CFAP299: variants seen among roughly 807,000 people sequenced by gnomAD.
CFAP299 encodes cilia- and flagella-associated protein 299.
A neutral mutation model predicts 27.0 loss-of-function variants in CFAP299; 21 were observed. The observed-to-expected ratio is 0.78, with a 90% CI of 0.55 to 1.12. The LOEUF is 1.12. Among genes scored for constraint, CFAP299 ranks in the 50% most tolerant of loss-of-function variants. The pLI is 0.00. For missense variants in CFAP299, 310 were observed against 276.6 expected, an observed-to-expected ratio of 1.12 and a Z score of -0.86; for synonymous variants, 104 against 98.1, an observed-to-expected ratio of 1.06 and a Z score of -0.36.
intron 3 of CFAP299, among the ~76,000 whole-genome samples, chr4:80,610,489 A>G (rs1392936426): frequency 6.6e-6 from 1 of 152,068 alleles, no homozygotes; most frequent in Non-Finnish European, 1.5e-5. Context: ...TCACTGTCAC[A>G]TTCTTTCTCA....
chr4:80,386,506 C>A (rs1725004799), intron 2 of CFAP299: 3 of 1,429,708 alleles, frequency 2.1e-6, no homozygotes, highest in Non-Finnish European at 2.8e-6. Context: ...TTCTCGCGGG[C>A]GGTGGTGGGG....
In CFAP299 at chr4:80,754,482, A is replaced by G. The variant is rs894040039; in HGVS notation, c.334-115511A>G. ...TGTCAATGAGTATTGAAGAAGAGCC[A>G]TCTCAGTGTTTTGTACTTCCATTCT... is the stretch of plus-strand genomic sequence containing the variant. On this transcript the variant is annotated intron_variant, in intron 3 of 5. Coordinates refer to ENST00000358105, the MANE Select transcript of CFAP299 (RefSeq NM_152770.3). Among the ~76,000 whole-genome samples the G allele has an allele frequency of 8.6e-5, 13 of 152,026 alleles. No homozygotes were observed. The East Asian group carries it at 2.5e-3, about 29-fold the overall frequency.
chr4:80,523,321 G>T (rs1249440937), intron 2 of CFAP299, among the ~76,000 whole-genome samples: 1 of 151,992 alleles, frequency 6.6e-6, no homozygotes, highest in Non-Finnish European at 1.5e-5. Flanking sequence ...ACTGATTTTT[G>T]CATGCTGATT....
chr4:80,371,552 T>C (rs1245109049), intron 2 of CFAP299, among the ~76,000 whole-genome samples: 1 of 152,178 alleles, frequency 6.6e-6, no homozygotes. Context: ...TGAACATAGG[T>C]TTTTACAAGC....
At chr4:80,746,483 G>A (rs193106236) in intron 3 of CFAP299, among the ~76,000 whole-genome samples, 23 of 152,124 alleles carry the variant, frequency 1.5e-4, no homozygotes, top group Non-Finnish European at 2.9e-4. Flanking sequence ...TTTTGCATAT[G>A]GTTTCACTAG....
Position 80,605,720 on chromosome 4 carries a change from T to C in CFAP299, c.333+22537T>C, listed in dbSNP as rs146486305. ...TGGTAGCTTTTGTTCTTTATTTTTC[T>C]TTAAATTTTCCTATTGGGAAATAAT... On this transcript the variant is annotated intron_variant, in intron 3 of 5. Coordinates refer to ENST00000358105, the MANE Select transcript of CFAP299 (RefSeq NM_152770.3). Among the ~76,000 whole-genome samples, 521 of 152,352 alleles carry C rather than the reference T, an allele frequency of 3.4e-3. 4 individuals carry two copies. The East Asian group carries it at 0.039, about 11-fold the overall frequency.
chr4:80,781,079 C>T (rs1218838756), intron 3 of CFAP299, among the ~76,000 whole-genome samples: 1 of 151,782 alleles, frequency 6.6e-6, no homozygotes, highest in Non-Finnish European at 1.5e-5. Context: ...TCAAGAGACC[C>T]TAGTATATTA....
At chr4:80,816,964 G>C (rs1729451840) in intron 3 of CFAP299, among the ~76,000 whole-genome samples, 1 of 152,126 alleles carries the variant, frequency 6.6e-6, no homozygotes, top group Admixed American at 6.6e-5. Flanking sequence ...GACAAGCTTG[G>C]TATAGTGCAT....
At chr4:80,592,416 T>C (rs1011866601) in intron 3 of CFAP299, among the ~76,000 whole-genome samples, 4 of 152,176 alleles carry the variant, frequency 2.6e-5, no homozygotes, top group African/African-American at 9.7e-5. Flanking sequence ...CTGCCTAACC[T>C]TAACAAGTAC....
intron 5 of CFAP299, among the ~76,000 whole-genome samples, chr4:80,950,436 G>A (rs1043677314): frequency 4.6e-5 from 7 of 152,166 alleles, no homozygotes; most frequent in African/African-American, 1.7e-4. Context: ...AAAAAGTTCT[G>A]TAAGAATTCA....
At chr4:80,544,430 G>C (rs1170705455) in intron 2 of CFAP299, among the ~76,000 whole-genome samples, 1 of 152,098 alleles carries the variant, frequency 6.6e-6, no homozygotes, top group African/African-American at 2.4e-5. Flanking sequence ...TGGCAAGTTG[G>C]ATAGAGAAAC....
chr4:80,738,727 A>G (rs1724071156), intron 3 of CFAP299, among the ~76,000 whole-genome samples: 1 of 151,650 alleles, frequency 6.6e-6, no homozygotes, highest in South Asian at 2.1e-4. Context: ...ACATTTACGT[A>G]AATTCAATGT....
intron 2 of CFAP299, among the ~76,000 whole-genome samples, chr4:80,368,996 A>G (rs1456960857): frequency 6.6e-6 from 1 of 152,212 alleles, no homozygotes; most frequent in Non-Finnish European, 1.5e-5. Flanking sequence ...AGGACTGAGC[A>G]GGGTCAGAGC....
intron 2 of CFAP299, among the ~76,000 whole-genome samples, chr4:80,400,289 G>C (rs186999791): frequency 2.0e-5 from 3 of 152,052 alleles, no homozygotes; most frequent in Admixed American, 2.0e-4. Flanking sequence ...CTTGTTTAAC[G>C]CTCACAACTA....
chr4:80,596,104 G>A (rs1157537273), intron 3 of CFAP299, among the ~76,000 whole-genome samples: 2 of 152,056 alleles, frequency 1.3e-5, no homozygotes, highest in Non-Finnish European at 2.9e-5. Context: ...AGGGAGAGAG[G>A]AAGGAAGGGA....
intron 2 of CFAP299, among the ~76,000 whole-genome samples, chr4:80,441,336 A>G (rs866344790): frequency 1.3e-5 from 2 of 152,326 alleles, no homozygotes; most frequent in Middle Eastern, 6.8e-3. Flanking sequence ...CAAGAAGTCC[A>G]TTGGAGTAAC....
At chr4:80,914,075 G>T (rs1003744906) in intron 4 of CFAP299, among the ~76,000 whole-genome samples, 2 of 152,012 alleles carry the variant, frequency 1.3e-5, no homozygotes, top group South Asian at 4.2e-4. Context: ...GATATGCCAC[G>T]ATTTGTTCAT....
At chr4:80,709,798 A>G (rs1016941570) in intron 3 of CFAP299, among the ~76,000 whole-genome samples, 2 of 152,338 alleles carry the variant, frequency 1.3e-5, no homozygotes, top group South Asian at 2.1e-4. Context: ...AGCACAAAGC[A>G]TATCTGAGGA....
intron 4 of CFAP299, among the ~76,000 whole-genome samples, chr4:80,915,410 G>T (rs78908390): frequency 0.029 from 4,354 of 151,622 alleles, 151 homozygotes; most frequent in East Asian, 0.15. Context: ...TTAAGATTTT[G>T]TCCTGGATTT....
Sources: allele counts gnomAD v4.1 joint callset (sites outside exome capture counted in the v4.1 genomes callset), GRCh38; gene constraint gnomAD v4.1.1; transcripts MANE v1.5; gene names NCBI Gene and HGNC (gene_info 2026-07-23, HGNC 2026-07-21).